Variants in TENM4 observed in about 807,000 individuals in gnomAD.
TENM4 encodes the protein teneurin transmembrane protein 4, also known as teneurin-4.
Under a neutral mutation model 243.3 loss-of-function variants are expected in TENM4, and 82 were observed. The ratio of observed to expected loss-of-function variants is 0.34; its 90% confidence interval spans 0.28 to 0.40. The LOEUF is 0.40. TENM4 is among the 10% of genes least tolerant of loss of function. TENM4 has a pLI of 1.00. For synonymous variants in TENM4, 1,412 were observed against 1,456.3 expected, an observed-to-expected ratio of 0.97 and a Z score of 0.69; for missense variants, 3,138 against 3,673.3, an observed-to-expected ratio of 0.85 and a Z score of 3.77.
At chr11:79,264,526 C>T (rs916247896) in intron 2 of TENM4, among the ~76,000 whole-genome samples, 1 of 152,132 alleles carries the variant, frequency 6.6e-6, no homozygotes, top group Non-Finnish European at 1.5e-5. Flanking sequence ...GTGGCAATAC[C>T]TCCTGAATAT....
intron 6 of TENM4, chr11:78,924,386 A>G (rs1191900640): frequency 1.3e-5 from 2 of 152,218 alleles, no homozygotes; most frequent in Non-Finnish European, 2.9e-5. Context: ...ATGTGTCACA[A>G]TATATGTCCC....
At chr11:78,915,119 G>T (rs886963525) in intron 6 of TENM4, among the ~76,000 whole-genome samples, 12 of 152,212 alleles carry the variant, frequency 7.9e-5, no homozygotes, top group African/African-American at 2.7e-4. Context: ...AAGGTTAACA[G>T]GTTAATTAGA....
At chr11:79,357,101 T>G (rs563537793) in intron 1 of TENM4, among the ~76,000 whole-genome samples, 1 of 152,318 alleles carries the variant, frequency 6.6e-6, no homozygotes, top group Admixed American at 6.5e-5. Flanking sequence ...GCAAATGAGG[T>G]GCTGGTGCCA....
chr11:79,166,179 G>T (rs1028606597), intron 3 of TENM4, among the ~76,000 whole-genome samples: 2 of 152,204 alleles, frequency 1.3e-5, no homozygotes, highest in African/African-American at 4.8e-5. Context: ...CTCCATGGGG[G>T]TCTTTTACTT....
intron 1 of TENM4, among the ~76,000 whole-genome samples, chr11:79,393,401 C>T (rs1395108655): frequency 1.3e-5 from 2 of 152,274 alleles, no homozygotes; most frequent in African/African-American, 4.8e-5. Context: ...TTAATCCTAG[C>T]ACCTTCACAG....
chr11:79,005,028 C>A (rs1281167984), intron 6 of TENM4, among the ~76,000 whole-genome samples: 1 of 150,740 alleles, frequency 6.6e-6, no homozygotes, highest in Non-Finnish European at 1.5e-5. Flanking sequence ...TTGATAAATT[C>A]CTCAAAACAT....
At chr11:79,153,373 C>T (rs1394602046) in intron 3 of TENM4, among the ~76,000 whole-genome samples, 3 of 152,158 alleles carry the variant, frequency 2.0e-5, no homozygotes, top group Admixed American at 6.5e-5. Flanking sequence ...CACTGTAGAA[C>T]ATTGCAGCAA....
At chr11:79,276,012 C>A (rs1172281298) in intron 2 of TENM4, among the ~76,000 whole-genome samples, 2 of 152,184 alleles carry the variant, frequency 1.3e-5, no homozygotes, top group Non-Finnish European at 2.9e-5. Context: ...CTTCATTATG[C>A]CGCCTAAAAA....
At chr11:78,921,705 T>C (rs79725184) in intron 6 of TENM4, among the ~76,000 whole-genome samples, 5,541 of 152,214 alleles carry the variant, frequency 0.036, 350 homozygotes, top group African/African-American at 0.13. Flanking sequence ...TGGGGTCTTA[T>C]TGACAGCTCA....
chr11:79,403,691 A>G (rs1003566760), intron 1 of TENM4, among the ~76,000 whole-genome samples: 1 of 151,940 alleles, frequency 6.6e-6, no homozygotes, highest in African/African-American at 2.4e-5. Flanking sequence ...TCCCTCAACC[A>G]CTATCCACTC....
intron 1 of TENM4, among the ~76,000 whole-genome samples, chr11:79,383,388 C>T (rs774474838): frequency 6.6e-5 from 10 of 152,232 alleles, no homozygotes; most frequent in Non-Finnish European, 1.5e-4. Context: ...CTTATTTGTT[C>T]CCTTAACCCT....
intron 3 of TENM4, among the ~76,000 whole-genome samples, chr11:79,207,629 C>G (rs1304454130): frequency 6.6e-6 from 1 of 151,902 alleles, no homozygotes; most frequent in Non-Finnish European, 1.5e-5. Flanking sequence ...CTTTGGGAGG[C>G]CGAGGCAGGT....
At chr11:79,436,940 C>T (rs979481202) in intron 1 of TENM4, among the ~76,000 whole-genome samples, 2 of 152,230 alleles carry the variant, frequency 1.3e-5, no homozygotes, top group Admixed American at 6.5e-5. Flanking sequence ...AAAGCTTCCC[C>T]GAATTAGCCC....
chr11:79,095,742 C>T (rs1214397916), intron 4 of TENM4, among the ~76,000 whole-genome samples: 1 of 152,242 alleles, frequency 6.6e-6, no homozygotes, highest in Non-Finnish European at 1.5e-5. Context: ...TTTAAAGACA[C>T]ATGCCCAAGA....
At chr11:79,387,689 C>G (rs1031710700) in intron 1 of TENM4, among the ~76,000 whole-genome samples, 4 of 152,198 alleles carry the variant, frequency 2.6e-5, no homozygotes, top group Admixed American at 2.0e-4. Flanking sequence ...GACCTAGTCT[C>G]TTCCCCTTAT....
chr11:79,203,600 A>G (rs1397252005), intron 3 of TENM4, among the ~76,000 whole-genome samples: 2 of 152,254 alleles, frequency 1.3e-5, no homozygotes, highest in Non-Finnish European at 2.9e-5. Context: ...TAGAGAAATT[A>G]TAACAATATA....
Position 78,738,603 on chromosome 11 carries a change from C to T in TENM4, c.2757-33G>A, listed in dbSNP as rs368493516. On this transcript the variant is annotated intron_variant, in intron 19 of 33. Transcript: ENST00000278550. ...AAGAGAAGAGAGAATAAACATGATA[C>T]ACCTTTCATGGTCAGAGCCCTGGCT... 2.1e-4 allele frequency: 337 copies of T among 1,605,050 alleles called. 1 individual carries two copies. The African/African-American group carries it at 4.0e-3, about 19-fold the overall frequency.
chr11:78,812,082 C>G, intron 14 of TENM4, 40 bp downstream of exon 14: 1 of 1,537,468 alleles, frequency 6.5e-7, no homozygotes, highest in Non-Finnish European at 8.8e-7. Flanking sequence ...CAGCCTCTAT[C>G]TCAGAGGAAG....
chr11:78,673,179 C>T (rs1314747012), intron 30 of TENM4, among the ~76,000 whole-genome samples: 1 of 152,056 alleles, frequency 6.6e-6, no homozygotes, highest in Non-Finnish European at 1.5e-5. Context: ...AAAGACAGGG[C>T]TCCTACAGAC....
Sources: gnomAD v4.1 joint callset for allele counts (sites outside exome capture counted in the v4.1 genomes callset) on GRCh38, gnomAD v4.1.1 for gene constraint, MANE v1.5 for transcripts, NCBI Gene and HGNC (gene_info 2026-07-23, HGNC 2026-07-21) for gene names.